Variants in NRG1 observed in about 807,000 individuals in gnomAD.
NRG1 encodes pro-neuregulin-1, membrane-bound isoform.
NRG1 carries 18 observed loss-of-function variants against 63.8 expected under a neutral mutation model. The ratio of observed to expected loss-of-function variants is 0.28; its 90% CI spans 0.19 to 0.42. NRG1 has a LOEUF of 0.42. Ranked by LOEUF, NRG1 falls within the 10% of genes least tolerant of loss-of-function variation. The pLI, the probability that NRG1 is intolerant of heterozygous loss-of-function variation, is 1.00. For synonymous variants in NRG1, 302 were observed against 301.3 expected (o/e 1.00, Z -0.02); for missense variants, 762 against 814.7 (o/e 0.94, Z 0.79).
At chr8:31,752,677 T>C (rs2131466536) in intron 1 of NRG1, among the ~76,000 whole-genome samples, 1 of 152,126 alleles carries the variant, frequency 6.6e-6, no homozygotes, top group Middle Eastern at 3.4e-3. Context: ...GATAATTTCA[T>C]GGTTTTTTGG....
At chr8:31,680,841 T>A (rs2131059937) in intron 1 of NRG1, among the ~76,000 whole-genome samples, 1 of 152,220 alleles carries the variant, frequency 6.6e-6, no homozygotes, top group African/African-American at 2.4e-5. Flanking sequence ...TTCCTGCACC[T>A]TTTTACTCAC....
intron 1 of NRG1, among the ~76,000 whole-genome samples, chr8:31,854,532 A>C (rs1161154176): frequency 6.6e-6 from 1 of 151,614 alleles, no homozygotes; most frequent in African/African-American, 2.4e-5. Flanking sequence ...CTAGCGGTCT[A>C]TCAATTTTGT....
intron 1 of NRG1, among the ~76,000 whole-genome samples, chr8:32,535,956 T>C (rs1831922642): frequency 6.6e-6 from 1 of 152,182 alleles, no homozygotes; most frequent in Admixed American, 6.5e-5. Context: ...CCAAACTTTC[T>C]TCCTATTTAT....
At chr8:32,573,841 C>T (rs1298128255) in intron 1 of NRG1, among the ~76,000 whole-genome samples, 3 of 152,070 alleles carry the variant, frequency 2.0e-5, no homozygotes, top group Non-Finnish European at 4.4e-5. Flanking sequence ...TGTGAAATTC[C>T]CCTTCCTGTG....
chr8:32,324,819 T>C (rs1343463897), intron 1 of NRG1, among the ~76,000 whole-genome samples: 1 of 152,212 alleles, frequency 6.6e-6, no homozygotes, highest in Non-Finnish European at 1.5e-5. Flanking sequence ...GCCACACTAA[T>C]GTAGCAACTA....
At chr8:31,779,577 G>T (rs780897099) in intron 1 of NRG1, among the ~76,000 whole-genome samples, 2 of 152,072 alleles carry the variant, frequency 1.3e-5, no homozygotes, top group Non-Finnish European at 1.5e-5. Flanking sequence ...TTAAACTTCT[G>T]GTCCAATTTA....
At chr8:32,503,505 A>C (rs1828134361) in intron 1 of NRG1, among the ~76,000 whole-genome samples, 1 of 152,112 alleles carries the variant, frequency 6.6e-6, no homozygotes. Flanking sequence ...GTTGAAATAA[A>C]GTTTGTCAGA....
At chr8:32,737,422 A>C (rs927873379) in intron 6 of NRG1, among the ~76,000 whole-genome samples, 1 of 152,122 alleles carries the variant, frequency 6.6e-6, no homozygotes, top group South Asian at 2.1e-4. Context: ...ATGGTGGTGC[A>C]TGCCTGTAAT....
chr8:32,325,836 G>A (rs565124436), intron 1 of NRG1, among the ~76,000 whole-genome samples: 210 of 152,250 alleles, frequency 1.4e-3, no homozygotes, highest in Non-Finnish European at 1.9e-3. Context: ...ACTCTGTGCA[G>A]AATGTCTATT....
intron 5 of NRG1, among the ~76,000 whole-genome samples, chr8:32,665,575 C>A (rs541690504): frequency 3.9e-4 from 60 of 152,218 alleles, no homozygotes; most frequent in African/African-American, 1.4e-3. Context: ...GATGTATGCA[C>A]TATGTTCCAG....
intron 1 of NRG1, among the ~76,000 whole-genome samples, chr8:31,856,007 T>G (rs1827827440): frequency 6.6e-6 from 1 of 151,438 alleles, no homozygotes; most frequent in East Asian, 1.9e-4. Context: ...GGCTTCCCTT[T>G]GAGGGTAACC....
At chr8:32,515,952 A>G (rs375978073) in intron 1 of NRG1, among the ~76,000 whole-genome samples, 9 of 152,068 alleles carry the variant, frequency 5.9e-5, no homozygotes, top group African/African-American at 2.2e-4. Flanking sequence ...TTTTGTTGCA[A>G]TTGCTTTTGA....
At chr8:31,919,988 T>C (rs1457232048) in intron 1 of NRG1, among the ~76,000 whole-genome samples, 1 of 152,170 alleles carries the variant, frequency 6.6e-6, no homozygotes, top group African/African-American at 2.4e-5. Context: ...TTTTTTGTCT[T>C]ATGGCCTCTG....
intron 1 of NRG1, among the ~76,000 whole-genome samples, chr8:32,492,755 T>C (rs1419146192): frequency 2.6e-5 from 4 of 152,206 alleles, no homozygotes; most frequent in Non-Finnish European, 4.4e-5. Flanking sequence ...TTTAGTATTC[T>C]TTGTACTCTC....
chr8:32,569,646 T>C (rs1838133346), intron 1 of NRG1, among the ~76,000 whole-genome samples: 2 of 152,170 alleles, frequency 1.3e-5, no homozygotes, highest in African/African-American at 4.8e-5. Flanking sequence ...ACTTTAATAT[T>C]ACAGTTTATT....
chr8:31,931,936 A>T (rs1834899894), intron 1 of NRG1, among the ~76,000 whole-genome samples: 2 of 152,164 alleles, frequency 1.3e-5, no homozygotes, highest in Non-Finnish European at 2.9e-5. Context: ...AAGCTGGAAG[A>T]CAGGGAGGCA....
intron 1 of NRG1, among the ~76,000 whole-genome samples, chr8:32,583,862 A>G (rs1350875855): frequency 6.6e-6 from 1 of 152,196 alleles, no homozygotes; most frequent in Non-Finnish European, 1.5e-5. Context: ...ATAGTAGGGT[A>G]AGGAAAACGA....
At chr8:31,961,752 GAT>G (rs558716436) in intron 1 of NRG1, among the ~76,000 whole-genome samples, 58 of 152,248 alleles carry the variant, frequency 3.8e-4, no homozygotes, top group African/African-American at 1.4e-3. Context: ...TAGGAGCTAT[GAT>G]AATCTAAGAT....
chr8:32,461,496 C>T (rs1475533446), intron 1 of NRG1, among the ~76,000 whole-genome samples: 2 of 152,042 alleles, frequency 1.3e-5, no homozygotes, highest in Non-Finnish European at 2.9e-5. Flanking sequence ...GCCAGGAGTT[C>T]GAGACCAGCT....
Sources: allele counts gnomAD v4.1 joint callset (sites outside exome capture counted in the v4.1 genomes callset), GRCh38; gene constraint gnomAD v4.1.1; transcripts MANE v1.5; gene names NCBI Gene and HGNC (gene_info 2026-07-23, HGNC 2026-07-21).